The following TBC1D15 variants were observed in gnomAD, a reference collection of about 807,000 sequenced individuals.
The protein encoded by TBC1D15 is TBC1 domain family member 15.
Under a neutral mutation model 95.4 loss-of-function variants are expected in TBC1D15, and 39 were observed. That is an observed-to-expected ratio of 0.41 (90% CI 0.32 to 0.53). The LOEUF (loss-of-function observed/expected upper bound fraction) is 0.53, where lower values mean the gene tolerates loss of function less well. Among genes scored for constraint, TBC1D15 ranks in the 20% least tolerant of loss-of-function variants. The probability of loss-of-function intolerance (pLI) is 0.29; values close to 1 mark genes in which losing one functional copy is unlikely to be tolerated. For missense variants in TBC1D15, 733 were observed against 794.3 expected, an observed-to-expected ratio of 0.92 and a Z score of 0.93; for synonymous variants, 258 against 261.3, an observed-to-expected ratio of 0.99 and a Z score of 0.12.
At position 71,923,857 on chromosome 12, in the gene TBC1D15, G is replaced by A. The variant is rs1216004197; in HGVS notation, c.*653G>A. On this transcript the variant is annotated 3_prime_UTR_variant, in exon 17 of 17. Coordinates refer to ENST00000485960, the MANE Select transcript of TBC1D15 (RefSeq NM_001146213.3). ...AGTACTTATTTATGAGTATAAGAAA[G>A]GTTAGGCATATTTTCATTAACTGAA... 5.2e-5 allele frequency: 8 copies of A among 152,388 alleles called. No homozygotes were observed. The highest frequency in any genetic ancestry group is 4.6e-4 in the Admixed American group (7 of 15,262). 9.4% of individuals were successfully genotyped at this position (152,388 alleles called of 1,614,324 possible). A position where few individuals can be genotyped will look rare whatever the true frequency, so the allele number is the denominator to read the frequency against.
intron 4 of TBC1D15, among the ~76,000 whole-genome samples, chr12:71,884,347 T>C (rs985818922): frequency 1.3e-5 from 2 of 152,142 alleles, no homozygotes; most frequent in African/African-American, 4.8e-5. Context: ...TTCGGTATAC[T>C]TGGCTTGCAC....
chr12:71,850,236 C>T (rs1260191190), intron 1 of TBC1D15: 3 of 555,798 alleles, frequency 5.4e-6, no homozygotes, highest in Non-Finnish European at 1.0e-5. Context: ...ACTCAGTTTT[C>T]TTCCTTTCAA....
At chr12:71,859,115 A>T (rs1889808726) in intron 1 of TBC1D15, among the ~76,000 whole-genome samples, 1 of 151,804 alleles carries the variant, frequency 6.6e-6, no homozygotes, top group African/African-American at 2.4e-5. Context: ...TATACCTGTT[A>T]GCCATTTGTA....
intron 6 of TBC1D15, among the ~76,000 whole-genome samples, chr12:71,894,127 T>A (rs1897724312): frequency 6.6e-6 from 1 of 152,026 alleles, no homozygotes; most frequent in Non-Finnish European, 1.5e-5. Flanking sequence ...CACTTAACAG[T>A]AGAAAAACCT....
chr12:71,871,339 C>T (rs1035449402), intron 1 of TBC1D15, among the ~76,000 whole-genome samples: 2 of 152,074 alleles, frequency 1.3e-5, no homozygotes, highest in Non-Finnish European at 2.9e-5. Context: ...TCCATCACTA[C>T]TCTGTTTATT....
At chr12:71,845,044 T>C (rs1885958667) in intron 1 of TBC1D15, among the ~76,000 whole-genome samples, 1 of 152,162 alleles carries the variant, frequency 6.6e-6, no homozygotes, top group South Asian at 2.1e-4. Context: ...TTAGTAGAAG[T>C]TATTTGCAGA....
intron 1 of TBC1D15, among the ~76,000 whole-genome samples, chr12:71,871,734 A>G (rs557798214): frequency 6.6e-6 from 1 of 152,352 alleles, no homozygotes; most frequent in Admixed American, 6.5e-5. Context: ...GGCATGTGCC[A>G]CTGCATCTGG....
chr12:71,842,278 TA>T (rs1885211422), intron 1 of TBC1D15, among the ~76,000 whole-genome samples: 1 of 152,186 alleles, frequency 6.6e-6, no homozygotes, highest in African/African-American at 2.4e-5. Context: ...GAAACCAAAC[TA>T]GTTTCAGAAA....
At chr12:71,917,642 T>C in intron 12 of TBC1D15, 56 bp from the exon 13 acceptor site, 1 of 1,157,846 alleles carries the variant, frequency 8.6e-7, no homozygotes, top group Non-Finnish European at 1.3e-6. Context: ...TATCAGTCAT[T>C]ATGTACTATA....
chr12:71,896,175 G>GTTTT, intron 8 of TBC1D15, 100 bp downstream of exon 8: 7 of 811,976 alleles, frequency 8.6e-6, no homozygotes, highest in Admixed American at 3.2e-5. Flanking sequence ...TTTGTTGTTG[G>GTTTT]TTTTTTTTTT....
chr12:71,915,334 G>A (rs1383090949), intron 12 of TBC1D15, among the ~76,000 whole-genome samples: 4 of 151,458 alleles, frequency 2.6e-5, no homozygotes, highest in Admixed American at 1.3e-4. Flanking sequence ...TGTTTCACTG[G>A]TAGCATACCA....
At chr12:71,879,242 C>G (rs939030137) in intron 3 of TBC1D15, among the ~76,000 whole-genome samples, 10 of 151,884 alleles carry the variant, frequency 6.6e-5, no homozygotes, top group African/African-American at 2.4e-4. Flanking sequence ...AAGCTATTCT[C>G]CTGCCTCAGC....
In TBC1D15 at chr12:71,849,970, G is replaced by A. The variant is rs1228705158; in HGVS notation, c.30+10159G>A. On this transcript the variant is annotated intron_variant, in intron 1 of 16. Coordinates refer to ENST00000485960, the MANE Select transcript of TBC1D15 (RefSeq NM_001146213.3). ...AGGGTGTTGATCCAGTATTGCAGGAGTGCTTCTATAGCTCTAAACTCAAAA... is the reference window on the plus strand; with the variant it reads ...AGGGTGTTGATCCAGTATTGCAGGAATGCTTCTATAGCTCTAAACTCAAAA... 9 of 519,744 alleles carry A rather than the reference G, an allele frequency of 1.7e-5. No individual in the cohort carries two copies. In the East Asian group the frequency reaches 1.8e-4, roughly 10 times the overall value. The allele number at this position is 519,744 out of a possible 1,614,324, so 32.2% of individuals were successfully genotyped here.
intron 1 of TBC1D15, among the ~76,000 whole-genome samples, chr12:71,860,930 A>G (rs1456405096): frequency 6.6e-6 from 1 of 152,112 alleles, no homozygotes; most frequent in East Asian, 1.9e-4. Flanking sequence ...GTTTAATATT[A>G]TAAAATGCTT....
chr12:71,896,168 G>A, intron 8 of TBC1D15, 93 bp downstream of exon 8: 2 of 1,116,974 alleles, frequency 1.8e-6, no homozygotes, highest in Non-Finnish European at 2.4e-6. Context: ...GTTTTTTTTT[G>A]TTGTTGGTTT....
intron 13 of TBC1D15, among the ~76,000 whole-genome samples, 159 bp from the exon 14 acceptor site, chr12:71,918,292 A>G (rs1053548363): frequency 6.6e-6 from 1 of 152,254 alleles, no homozygotes; most frequent in African/African-American, 2.4e-5. Context: ...TTTTAAAAAG[A>G]AGTCAGCCTT....
intron 1 of TBC1D15, chr12:71,849,137 A>G (rs1887084808): frequency 4.1e-6 from 1 of 246,036 alleles, no homozygotes; most frequent in East Asian, 8.2e-5. Context: ...GAAAATAATA[A>G]AAGTATCAGA....
chr12:71,871,332 A>G (rs74101560), intron 1 of TBC1D15, among the ~76,000 whole-genome samples: 3 of 152,262 alleles, frequency 2.0e-5, no homozygotes, highest in African/African-American at 2.4e-5. Flanking sequence ...AGGAGTCTCC[A>G]TCACTACTCT....
chr12:71,874,047 A>C (rs1464624681), intron 3 of TBC1D15, among the ~76,000 whole-genome samples: 1 of 152,190 alleles, frequency 6.6e-6, no homozygotes, highest in African/African-American at 2.4e-5. Context: ...CCTTTTTATA[A>C]GGACATTAGT....
Sources: gnomAD v4.1 joint callset for allele counts (sites outside exome capture counted in the v4.1 genomes callset) on GRCh38, gnomAD v4.1.1 for gene constraint, MANE v1.5 for transcripts, NCBI Gene and HGNC (gene_info 2026-07-23, HGNC 2026-07-21) for gene names.